Variants in ERC2 observed in about 807,000 individuals in gnomAD.
ERC2 encodes ELKS/RAB6-interacting/CAST family member 2, also known as ERC protein 2.
ERC2 carries 42 observed loss-of-function variants against 114.8 expected under a neutral mutation model. The observed-to-expected ratio is 0.37, with a 90% CI of 0.29 to 0.47. ERC2 has a LOEUF of 0.47. ERC2 is among the 20% of genes least tolerant of loss of function. ERC2 has a pLI of 0.99. For missense variants in ERC2, 939 were observed against 1,150.7 expected, an observed-to-expected ratio of 0.82 and a Z score of 2.66; for synonymous variants, 454 against 425.5, an observed-to-expected ratio of 1.07 and a Z score of -0.82.
chr3:55,725,052 ATCT>A lies in ERC2; in HGVS notation c.2712+9716_2712+9718del, dbSNP rs372894249. On this transcript the variant is annotated intron_variant, in intron 15 of 17. Transcript: ENST00000288221. ...AAAGAGAGAGAGAGCACAGTGAGAG[ATCT>A]TCTTGGCATTTGCATGCTATTCCCT... Among the ~76,000 whole-genome samples the A allele has an allele frequency of 1.2e-3, 184 of 152,290 alleles. 2 individuals carry two copies. In the East Asian group the frequency reaches 0.02, roughly 16 times the overall value.
intron 14 of ERC2, among the ~76,000 whole-genome samples, chr3:55,791,377 T>C (rs1188703793): frequency 6.6e-6 from 1 of 152,166 alleles, no homozygotes; most frequent in Non-Finnish European, 1.5e-5. Context: ...TCTCTATGTA[T>C]GTGGAGATAT....
intron 1 of ERC2, among the ~76,000 whole-genome samples, chr3:56,454,390 C>T (rs932943125): frequency 2.6e-5 from 4 of 152,112 alleles, no homozygotes; most frequent in African/African-American, 9.7e-5. Flanking sequence ...ATCTTTTAAA[C>T]CTGGATAAGC....
intron 3 of ERC2, among the ~76,000 whole-genome samples, chr3:56,225,183 A>G (rs1007287319): frequency 2.6e-5 from 4 of 151,706 alleles, no homozygotes; most frequent in South Asian, 2.1e-4. Flanking sequence ...TTTTTTCCCC[A>G]TTTGTTAACT....
intron 2 of ERC2, among the ~76,000 whole-genome samples, chr3:56,311,260 TA>T (rs2056551638): frequency 2.3e-5 from 1 of 43,394 alleles, no homozygotes; most frequent in Non-Finnish European, 5.9e-5. Context: ...TCTCTCTATA[TA>T]TATATATATA....
intron 14 of ERC2, among the ~76,000 whole-genome samples, chr3:55,852,950 A>G (rs2061636322): frequency 6.6e-6 from 1 of 152,196 alleles, no homozygotes; most frequent in Non-Finnish European, 1.5e-5. Context: ...TGCACTACAG[A>G]ATGTTTAGTA....
intron 3 of ERC2, among the ~76,000 whole-genome samples, chr3:56,291,021 T>A (rs541753475): frequency 6.6e-6 from 1 of 152,322 alleles, no homozygotes; most frequent in South Asian, 2.1e-4. Flanking sequence ...CTGCTTCCCA[T>A]CAAGATCTTA....
At chr3:55,550,802 G>C (rs1205548787) in intron 17 of ERC2, among the ~76,000 whole-genome samples, 1 of 152,124 alleles carries the variant, frequency 6.6e-6, no homozygotes, top group African/African-American at 2.4e-5. Context: ...AGATCACGAG[G>C]TCAGGAGATC....
At chr3:55,677,604 G>C (rs750767902) in intron 17 of ERC2, among the ~76,000 whole-genome samples, 38 of 152,234 alleles carry the variant, frequency 2.5e-4, no homozygotes, top group Non-Finnish European at 5.1e-4. Flanking sequence ...CTTCCTCAAA[G>C]AGAAAATGGA....
intron 14 of ERC2, among the ~76,000 whole-genome samples, chr3:55,815,043 G>GT: frequency 6.6e-6 from 1 of 152,208 alleles, no homozygotes; most frequent in Admixed American, 6.5e-5. Flanking sequence ...GTAATCCCCT[G>GT]TTTAGTCTGT....
chr3:56,382,092 C>T (rs976944079), intron 2 of ERC2, among the ~76,000 whole-genome samples: 5 of 152,046 alleles, frequency 3.3e-5, no homozygotes, highest in Non-Finnish European at 7.4e-5. Context: ...ATGGAAACCA[C>T]AGAAGAGAAT....
At chr3:56,122,390 G>C (rs964800287) in intron 6 of ERC2, among the ~76,000 whole-genome samples, 1 of 152,102 alleles carries the variant, frequency 6.6e-6, no homozygotes, top group African/African-American at 2.4e-5. Context: ...GAGAAGGGGT[G>C]CAACTTCAGT....
At chr3:56,232,036 T>C (rs1478632922) in intron 3 of ERC2, among the ~76,000 whole-genome samples, 1 of 151,510 alleles carries the variant, frequency 6.6e-6, no homozygotes, top group African/African-American at 2.4e-5. Flanking sequence ...AGTGGCATGA[T>C]CATAGCTCAC....
chr3:55,608,376 T>G (rs1430338895), intron 17 of ERC2, among the ~76,000 whole-genome samples: 7 of 152,176 alleles, frequency 4.6e-5, no homozygotes, highest in African/African-American at 1.7e-4. Flanking sequence ...AATAAAAATA[T>G]CCCCGTGCAT....
chr3:55,869,981 A>G (rs545036390), intron 14 of ERC2, among the ~76,000 whole-genome samples: 1 of 152,344 alleles, frequency 6.6e-6, no homozygotes, highest in African/African-American at 2.4e-5. Context: ...AGGGTTGTGA[A>G]AAACCGAATA....
chr3:55,901,199 T>G (rs1274468037), intron 13 of ERC2, among the ~76,000 whole-genome samples: 1 of 152,232 alleles, frequency 6.6e-6, no homozygotes, highest in Non-Finnish European at 1.5e-5. Context: ...TCTGTTTTGA[T>G]CCCAGCACTG....
chr3:56,462,144 T>C (rs1451729411), intron 1 of ERC2, among the ~76,000 whole-genome samples: 1 of 152,170 alleles, frequency 6.6e-6, no homozygotes, highest in Admixed American at 6.5e-5. Context: ...TAAATGGTAT[T>C]GACAATGAGT....
intron 17 of ERC2, among the ~76,000 whole-genome samples, chr3:55,601,154 C>T (rs1240442888): frequency 1.3e-5 from 2 of 152,124 alleles, no homozygotes; most frequent in African/African-American, 2.4e-5. Context: ...GGGGCAATCT[C>T]GTGGGAATAT....
At chr3:55,602,880 G>T (rs1286542987) in intron 17 of ERC2, among the ~76,000 whole-genome samples, 1 of 152,152 alleles carries the variant, frequency 6.6e-6, no homozygotes, top group Non-Finnish European at 1.5e-5. Flanking sequence ...CCTTCAGAGT[G>T]TGTTTCAAAG....
chr3:56,021,575 A>ATTTTT (rs72200917), intron 7 of ERC2, among the ~76,000 whole-genome samples: 21,657 of 151,882 alleles, frequency 0.14, 1,780 homozygotes, highest in South Asian at 0.24. Context: ...TGGGAGCTAA[A>ATTTTT]TTTTTTAATT....
Sources: gnomAD v4.1 joint callset for allele counts (sites outside exome capture counted in the v4.1 genomes callset) on GRCh38, gnomAD v4.1.1 for gene constraint, MANE v1.5 for transcripts, NCBI Gene and HGNC (gene_info 2026-07-23, HGNC 2026-07-21) for gene names.